The following TEKT4 variants were observed in gnomAD, a reference collection of about 807,000 sequenced individuals.
TEKT4 encodes tektin 4.
Under a neutral mutation model 46.0 loss-of-function variants are expected in TEKT4, and 46 were observed. The observed-to-expected ratio is 1.00, with a 90% CI of 0.79 to 1.28. The LOEUF (loss-of-function observed/expected upper bound fraction) is 1.28, where lower values mean the gene tolerates loss of function less well. Among genes scored for constraint, TEKT4 ranks in the 50% most tolerant of loss-of-function variants. The pLI, the probability that TEKT4 is intolerant of heterozygous loss-of-function variation, is 0.00. For synonymous variants in TEKT4, 325 were observed against 265.8 expected (o/e 1.22, Z -2.17); for missense variants, 790 against 622.9 (o/e 1.27, Z -2.85).
chr2:94,872,953 G>T, intron 1 of TEKT4: 1 of 1,289,444 alleles, frequency 7.8e-7, no homozygotes, highest in Non-Finnish European at 1.0e-6. Flanking sequence ...ATAGAGGGGC[G>T]CAGGACCCGG....
Position 94,871,597 on chromosome 2 carries a change from G to T in TEKT4, c.18G>T (p.Pro6=). ...CAGGCACCATGGCGCAGACAGTGCC[G>T]CCCTGCGAGCTGCCCTGCAAAGAGT... MAQTV[P]PCELPCKEYD... The change falls in exon 1 of 6, where the codon CCG becomes CCT. Residue 6 remains proline, a synonymous_variant. Transcript: ENST00000295201. The T allele has an allele frequency of 6.2e-7, 1 of 1,608,146 alleles. No individual in the cohort carries two copies. The highest frequency in any genetic ancestry group is 8.5e-7 in the Non-Finnish European group (1 of 1,177,808).
At chr2:94,875,097 A>ATACGGAG (rs1680780938) in intron 4 of TEKT4, 99 bp downstream of exon 4, 4 of 1,266,820 alleles carry the variant, frequency 3.2e-6, no homozygotes, top group Non-Finnish European at 4.3e-6. Flanking sequence ...GGGACCCCAG[A>ATACGGAG]AGCAAGTGTC....
At position 94,876,549 on chromosome 2, in the gene TEKT4, C is replaced by A; in HGVS notation, c.1092-4C>A. On this transcript the variant is annotated splice_region_variant and splice_polypyrimidine_tract_variant and intron_variant, in intron 5 of 5. Transcript: ENST00000295201. ...CCCGGCTCACACCCCCCCAACACCCCCAGGCTGTTGAGTGAGGTGGAGGAG... is the reference window on the plus strand; with the variant it reads ...CCCGGCTCACACCCCCCCAACACCCACAGGCTGTTGAGTGAGGTGGAGGAG... 3 of 1,602,110 alleles carry A rather than the reference C, an allele frequency of 1.9e-6. No individual in the cohort carries two copies. Among genetic ancestry groups the A allele is most frequent in the East Asian group, 2.3e-5 (1 of 44,418 alleles).
At position 94,873,951 on chromosome 2, in the gene TEKT4, C is replaced by A; in HGVS notation, c.570-14C>A. 1 of 1,613,544 alleles carries A rather than the reference C, an allele frequency of 6.2e-7. No homozygotes were observed. The highest frequency in any genetic ancestry group is 8.5e-7 in the Non-Finnish European group (1 of 1,179,894). ...CCTGGGCACACATCAAGGCCCTGCC[C>A]CACCCCGCCCCAGACTGAACCGGGA... is the stretch of plus-strand genomic sequence containing the variant. On this transcript the variant is annotated splice_polypyrimidine_tract_variant and intron_variant, in intron 2 of 5. Transcript: ENST00000295201.
intron 1 of TEKT4, chr2:94,873,133 G>A (rs1223157423): frequency 2.4e-5 from 29 of 1,225,096 alleles, no homozygotes; most frequent in Non-Finnish European, 2.7e-5. Context: ...GAGCCCTGAG[G>A]GGCAGCCTGG....
chr2:94,872,291 C>A, intron 1 of TEKT4: 1 of 626,100 alleles, frequency 1.6e-6, no homozygotes, highest in Middle Eastern at 4.3e-4. Context: ...TGTTTCTCCT[C>A]TCCTCCTCTA....
At chr2:94,872,312 G>C (rs1212752753) in intron 1 of TEKT4, 2 of 596,842 alleles carry the variant, frequency 3.4e-6, no homozygotes, top group African/African-American at 3.7e-5. Flanking sequence ...ATCCCTTTGA[G>C]TCCTGGCACA....
intron 1 of TEKT4, chr2:94,872,964 G>A (rs1165514204): frequency 3.1e-6 from 4 of 1,289,314 alleles, no homozygotes; most frequent in East Asian, 1.1e-4. Context: ...CAGGACCCGG[G>A]CCCTGGCACA....
intron 5 of TEKT4, 49 bp from the exon 6 acceptor site, chr2:94,876,504 A>G: frequency 6.5e-7 from 1 of 1,533,234 alleles, no homozygotes; most frequent in Non-Finnish European, 8.8e-7. Flanking sequence ...CGGTAGGTGC[A>G]TACTTCTGCC....
At chr2:94,873,705 C>T (rs563371949) in intron 2 of TEKT4, 115 bp downstream of exon 2, 4 of 1,427,674 alleles carry the variant, frequency 2.8e-6, no homozygotes, top group Non-Finnish European at 3.8e-6. Context: ...TGCCCCAGGT[C>T]ACAGTGGAGC....
chr2:94,876,449 G>A (rs1680857808), intron 5 of TEKT4, 104 bp from the exon 6 acceptor site: 3 of 950,290 alleles, frequency 3.2e-6, no homozygotes, highest in Non-Finnish European at 4.7e-6. Flanking sequence ...GTCTTCCCAG[G>A]ACCTCCTGCC....
intron 1 of TEKT4, chr2:94,872,864 C>T (rs200586442): frequency 3.1e-6 from 4 of 1,289,252 alleles, no homozygotes; most frequent in Admixed American, 2.3e-5. Flanking sequence ...CCTGCAGCTC[C>T]CGCAAACTCT....
chr2:94,874,199 G>GGA, intron 3 of TEKT4, 91 bp downstream of exon 3: 1 of 1,440,712 alleles, frequency 6.9e-7, no homozygotes, highest in Non-Finnish European at 9.4e-7. Context: ...TCACCAGCCT[G>GGA]GCCCGGAGGC....
intron 4 of TEKT4, among the ~76,000 whole-genome samples, chr2:94,875,287 G>C (rs1180464215): frequency 6.6e-6 from 1 of 152,162 alleles, no homozygotes; most frequent in African/African-American, 2.4e-5. Flanking sequence ...TCTGAATCTA[G>C]GGTCTCAGCG....
chr2:94,873,722 C>T, intron 2 of TEKT4, 132 bp downstream of exon 2: 7 of 1,347,646 alleles, frequency 5.2e-6, no homozygotes, highest in Non-Finnish European at 7.1e-6. Context: ...GAGCGCAGGA[C>T]TGGGTGGGGG....
intron 4 of TEKT4, 50 bp from the exon 5 acceptor site, chr2:94,875,538 T>C (rs1293096738): frequency 6.2e-7 from 1 of 1,610,282 alleles, no homozygotes. Context: ...CGGCGTTCTA[T>C]ATACCCGGGC....
At chr2:94,875,106 T>A in intron 4 of TEKT4, 108 bp downstream of exon 4, 3 of 1,196,058 alleles carry the variant, frequency 2.5e-6, no homozygotes, top group Non-Finnish European at 3.5e-6. Context: ...GAAGCAAGTG[T>A]CTCCTCTCCG....
At chr2:94,872,911 C>T in intron 1 of TEKT4, 1 of 1,289,448 alleles carries the variant, frequency 7.8e-7, no homozygotes, top group Non-Finnish European at 1.0e-6. Flanking sequence ...CTGATGGAGA[C>T]ACTGACAGTG....
intron 1 of TEKT4, 192 bp downstream of exon 1, chr2:94,872,269 C>A: frequency 3.0e-6 from 2 of 675,110 alleles, no homozygotes; most frequent in Middle Eastern, 4.1e-4. Context: ...AGACCCCTGA[C>A]TTCCAAGCAG....
Sources: gnomAD v4.1 joint callset for allele counts (sites outside exome capture counted in the v4.1 genomes callset) on GRCh38, gnomAD v4.1.1 for gene constraint, MANE v1.5 for transcripts, NCBI Gene and HGNC (gene_info 2026-07-23, HGNC 2026-07-21) for gene names.